The following PCDHAC2 variants were observed in gnomAD, a reference collection of about 807,000 sequenced individuals.
PCDHAC2 encodes the protein protocadherin alpha subfamily C, 2.
PCDHAC2 carries 24 observed loss-of-function variants against 63.3 expected under a neutral mutation model. That is an observed-to-expected ratio of 0.38 (90% CI 0.27 to 0.53). The LOEUF is 0.53. PCDHAC2 is among the 20% of genes least tolerant of loss of function. The pLI, the probability that PCDHAC2 is intolerant of heterozygous loss-of-function variation, is 0.81. For missense variants in PCDHAC2, 1,181 were observed against 1,275.2 expected (o/e 0.93, Z 1.12); for synonymous variants, 569 against 529.4 (o/e 1.07, Z -1.03).
chr5:141,010,089 G>T lies in PCDHAC2; in HGVS notation c.*152G>T. On this transcript the variant is annotated 3_prime_UTR_variant, in exon 4 of 4. Coordinates refer to ENST00000289269, the MANE Select transcript of PCDHAC2 (RefSeq NM_018899.6). The stretch of plus-strand genomic sequence containing the variant: ...AAAGTTCCCTGTGTCTGTCTAGAAC[G>T]CATTTAACAGGTTTTGTCGTAAAAG... 2 of 1,612,296 alleles carry T rather than the reference G, an allele frequency of 1.2e-6. No individual in the cohort carries two copies. Among genetic ancestry groups the T allele is most frequent in the East Asian group, 2.2e-5 (1 of 44,872 alleles).
rs533760082 is a variant in PCDHAC2 at position 140,985,940 on chromosome 5, T to C, written c.2713+3377T>C. On this transcript the variant is annotated intron_variant, in intron 3 of 3. Coordinates refer to ENST00000289269, the MANE Select transcript of PCDHAC2 (RefSeq NM_018899.6). ...ATTTTTAGTAGAGCCGGGGTTTCAC[T>C]GTGTTAGCCAGGATGGTCTCAATCT... is the stretch of plus-strand genomic sequence containing the variant. Among the ~76,000 whole-genome samples, 4 of 151,946 alleles carry C rather than the reference T, an allele frequency of 2.6e-5. No homozygotes were observed. In the South Asian group the frequency reaches 6.2e-4, roughly 24 times the overall value.
chr5:140,999,304 C>G (rs1587831145), intron 3 of PCDHAC2, among the ~76,000 whole-genome samples: 2 of 152,190 alleles, frequency 1.3e-5, no homozygotes, highest in East Asian at 3.8e-4. Flanking sequence ...TTCAGAATTT[C>G]TTCATGACAG....
At chr5:140,997,291 G>C (rs2097766119) in intron 3 of PCDHAC2, among the ~76,000 whole-genome samples, 1 of 152,030 alleles carries the variant, frequency 6.6e-6, no homozygotes, top group African/African-American at 2.4e-5. Flanking sequence ...TTAACAATGG[G>C]GATACACTGA....
At chr5:140,988,942 G>C (rs1236805502) in intron 3 of PCDHAC2, 1 of 152,180 alleles carries the variant, frequency 6.6e-6, no homozygotes, top group East Asian at 1.9e-4. Context: ...CTCTTAGGCT[G>C]CAGTTTCCTT....
intron 1 of PCDHAC2, among the ~76,000 whole-genome samples, chr5:140,970,537 GT>G (rs111648801): frequency 0.029 from 4,476 of 152,214 alleles, 218 homozygotes; most frequent in African/African-American, 0.1. Flanking sequence ...ATGTGTGTGT[GT>G]TTGTGTTGTG....
intron 1 of PCDHAC2, 156 bp downstream of exon 1, chr5:140,969,487 T>C: frequency 6.8e-7 from 1 of 1,460,090 alleles, no homozygotes; most frequent in Non-Finnish European, 9.1e-7. Flanking sequence ...TAATCTGCTA[T>C]TTCCTCTCTA....
intron 1 of PCDHAC2, among the ~76,000 whole-genome samples, chr5:140,976,409 G>C (rs1208759254): frequency 6.6e-6 from 1 of 152,064 alleles, no homozygotes; most frequent in African/African-American, 2.4e-5. Flanking sequence ...AAATTAGCCA[G>C]GTACGGTGGC....
chr5:140,982,967 T>C (rs1395576199), intron 3 of PCDHAC2, among the ~76,000 whole-genome samples: 1 of 150,996 alleles, frequency 6.6e-6, no homozygotes, highest in Non-Finnish European at 1.5e-5. Flanking sequence ...CCACCCAAAG[T>C]AGTAAGGAAA....
At chr5:140,987,439 A>G (rs1407783928) in intron 3 of PCDHAC2, among the ~76,000 whole-genome samples, 18 of 152,154 alleles carry the variant, frequency 1.2e-4, no homozygotes, top group African/African-American at 3.9e-4. Flanking sequence ...GCCTTTCCCC[A>G]TGCCCGAGAG....
At chr5:140,973,375 C>A (rs2096584404) in intron 1 of PCDHAC2, among the ~76,000 whole-genome samples, 1 of 152,182 alleles carries the variant, frequency 6.6e-6, no homozygotes, top group Admixed American at 6.5e-5. Context: ...GCACAATGGT[C>A]AGAATAGACA....
At chr5:140,981,327 A>C (rs1330138417) in intron 2 of PCDHAC2, among the ~76,000 whole-genome samples, 1 of 152,196 alleles carries the variant, frequency 6.6e-6, no homozygotes, top group Non-Finnish European at 1.5e-5. Context: ...TAATCCCAGC[A>C]CTTTGGGAGG....
chr5:140,992,390 C>T (rs1007853972), intron 3 of PCDHAC2, among the ~76,000 whole-genome samples: 1 of 152,082 alleles, frequency 6.6e-6, no homozygotes, highest in Admixed American at 6.6e-5. Context: ...GTGTTCTGGA[C>T]TTAGAGATAT....
chr5:140,996,311 G>C lies in PCDHAC2; in HGVS notation c.2714-13316G>C, dbSNP rs191577867. On this transcript the variant is annotated intron_variant, in intron 3 of 3. Coordinates refer to ENST00000289269, the MANE Select transcript of PCDHAC2 (RefSeq NM_018899.6). ...GAAGCACAGATTGTAACAAAGTAAG[G>C]GGGGAGGGTAGAGAAGAAAAGTTTG... is the stretch of plus-strand genomic sequence containing the variant. 9.0e-4 allele frequency among the ~76,000 whole-genome samples: 137 copies of C among 152,302 alleles called. 1 individual carries two copies. The highest frequency in any genetic ancestry group is 2.8e-3 in the African/African-American group (118 of 41,574).
At chr5:140,990,395 G>A (rs916362624) in intron 3 of PCDHAC2, among the ~76,000 whole-genome samples, 1 of 152,116 alleles carries the variant, frequency 6.6e-6, no homozygotes, top group Non-Finnish European at 1.5e-5. Flanking sequence ...GTTCCAAGAA[G>A]GTTCACCAGC....
Position 140,967,878 on chromosome 5 carries a change from A to G in PCDHAC2, c.1112A>G (p.Tyr371Cys). 6.2e-7 allele frequency: 1 copy of G among 1,614,152 alleles called. No individual in the cohort carries two copies. Among genetic ancestry groups the G allele is most frequent in the Non-Finnish European group, 8.5e-7 (1 of 1,180,018 alleles). ...NAPEVVLTDL[Y>C]SPVPENATPN... is the part of the protein sequence containing the mutation. ...CCAGAGGTGGTGCTCACGGACCTGT[A>G]TAGCCCAGTGCCTGAGAATGCTACA... The change falls in exon 1 of 4, where the codon TAT becomes TGT. Residue 371 changes from tyrosine (Y) to cysteine (C), a missense_variant. Physicochemically the swap from Tyr to Cys is radical, Grantham distance 194. Coordinates refer to ENST00000289269, the MANE Select transcript of PCDHAC2 (RefSeq NM_018899.6).
At chr5:141,007,325 C>G (rs1303133451) in intron 3 of PCDHAC2, among the ~76,000 whole-genome samples, 2 of 145,322 alleles carry the variant, frequency 1.4e-5, no homozygotes, top group Non-Finnish European at 3.0e-5. Flanking sequence ...CTAAAGTGGA[C>G]AGATTGCCTG....
chr5:141,010,293 G>A lies in PCDHAC2; in HGVS notation c.*356G>A. ...ATCCTGTCTTGATGACACTTGCAGG[G>A]CAGGCTGAAAAGTTTTGAGATTGAG... On this transcript the variant is annotated 3_prime_UTR_variant, in exon 4 of 4. Transcript: ENST00000289269. The A allele has an allele frequency of 6.5e-7, 1 of 1,549,794 alleles. No individual in the cohort carries two copies. The highest frequency in any genetic ancestry group is 2.4e-5 in the East Asian group (1 of 40,902).
At chr5:140,988,093 G>C (rs17119334) in intron 3 of PCDHAC2, among the ~76,000 whole-genome samples, 1 of 152,036 alleles carries the variant, frequency 6.6e-6, no homozygotes, top group Non-Finnish European at 1.5e-5. Flanking sequence ...GTGCAGCCTC[G>C]GGCCTTGTTG....
Position 140,967,091 on chromosome 5 carries a change from G to A in PCDHAC2, c.325G>A (p.Ala109Thr), listed in dbSNP as rs782261207. The A allele has an allele frequency of 6.2e-7, 1 of 1,613,196 alleles. No homozygotes were observed. The change falls in exon 1 of 4, where the codon GCG becomes ACG. Residue 109 changes from alanine (A) to threonine (T), a missense_variant. Physicochemically the swap from Ala to Thr is moderately conservative, Grantham distance 58 (BLOSUM62 0). Coordinates refer to ENST00000289269, the MANE Select transcript of PCDHAC2 (RefSeq NM_018899.6). ...CGTCAACGAGCGCATTGATCGGGAG[G>A]CGCTGTGTGAGCAGCGGCCTCGCTG... ...LFVNERIDRE[A>T]LCEQRPRCLL...
Sources: gnomAD v4.1 joint callset for allele counts (sites outside exome capture counted in the v4.1 genomes callset) on GRCh38, gnomAD v4.1.1 for gene constraint, MANE v1.5 for transcripts, NCBI Gene and HGNC (gene_info 2026-07-23, HGNC 2026-07-21) for gene names.